The following TRPS1 variants were observed in gnomAD, a reference collection of about 807,000 sequenced individuals.
TRPS1 encodes zinc finger transcription factor Trps1.
TRPS1 carries 6 observed loss-of-function variants against 101.2 expected under a neutral mutation model. That is an observed-to-expected ratio of 0.06 (90% CI 0.03 to 0.12). The LOEUF (loss-of-function observed/expected upper bound fraction) is 0.12. Among genes scored for constraint, TRPS1 ranks in the 10% least tolerant of loss-of-function variants. The pLI, the probability that TRPS1 is intolerant of heterozygous loss-of-function variation, is 1.00. For missense variants in TRPS1, 1,363 were observed against 1,567.0 expected, an observed-to-expected ratio of 0.87 and a Z score of 2.20; for synonymous variants, 578 against 589.8, an observed-to-expected ratio of 0.98 and a Z score of 0.29.
intron 5 of TRPS1, among the ~76,000 whole-genome samples, chr8:115,562,768 A>C (rs984714292): frequency 1.3e-5 from 2 of 152,054 alleles, no homozygotes; most frequent in African/African-American, 4.8e-5. Context: ...GAGCATATAT[A>C]TCAAAGGAGA....
At chr8:115,591,460 C>G (rs1274447624) in intron 4 of TRPS1, among the ~76,000 whole-genome samples, 1 of 152,094 alleles carries the variant, frequency 6.6e-6, no homozygotes, top group African/African-American at 2.4e-5. Flanking sequence ...GGTCCTAGGT[C>G]CCTGCCCAAA....
At chr8:115,538,380 G>C (rs1464327598) in intron 5 of TRPS1, among the ~76,000 whole-genome samples, 1 of 152,156 alleles carries the variant, frequency 6.6e-6, no homozygotes, top group East Asian at 1.9e-4. Context: ...CTATGAACAA[G>C]ATGTGAAAAT....
At chr8:115,508,184 A>C (rs142074888) in intron 5 of TRPS1, among the ~76,000 whole-genome samples, 32 of 152,248 alleles carry the variant, frequency 2.1e-4, no homozygotes, top group African/African-American at 6.7e-4. Context: ...ATCTGTGTTT[A>C]CTACAAAGAT....
chr8:115,568,912 C>A (rs935854713), intron 5 of TRPS1, among the ~76,000 whole-genome samples: 1 of 152,080 alleles, frequency 6.6e-6, no homozygotes, highest in African/African-American at 2.4e-5. Context: ...GATGGTTAGC[C>A]AAGTTCTATT....
At chr8:115,521,954 C>T (rs1815874687) in intron 5 of TRPS1, among the ~76,000 whole-genome samples, 1 of 151,854 alleles carries the variant, frequency 6.6e-6, no homozygotes, top group Non-Finnish European at 1.5e-5. Context: ...TTAATCTAAA[C>T]TTAAACGTAT....
intron 5 of TRPS1, among the ~76,000 whole-genome samples, chr8:115,470,323 T>C (rs775845068): frequency 5.3e-5 from 8 of 152,212 alleles, no homozygotes; most frequent in Non-Finnish European, 1.0e-4. Context: ...CTGATAGCTA[T>C]CAGAATTTGA....
intron 1 of TRPS1, among the ~76,000 whole-genome samples, chr8:115,651,579 T>A (rs765454314): frequency 5.3e-5 from 8 of 152,158 alleles, no homozygotes; most frequent in Non-Finnish European, 1.2e-4. Flanking sequence ...CAAAAATGAA[T>A]TACGTATGCT....
chr8:115,571,302 C>A (rs941694395), intron 5 of TRPS1, among the ~76,000 whole-genome samples: 7 of 152,144 alleles, frequency 4.6e-5, no homozygotes, highest in Non-Finnish European at 8.8e-5. Context: ...GATCATCACA[C>A]AACGAAGTGT....
intron 1 of TRPS1, among the ~76,000 whole-genome samples, chr8:115,649,936 G>A (rs1563670106): frequency 6.6e-6 from 1 of 152,178 alleles, no homozygotes; most frequent in Non-Finnish European, 1.5e-5. Flanking sequence ...CATACAGTCT[G>A]ATAAGGAACA....
At chr8:115,478,853 A>G (rs1210018358) in intron 5 of TRPS1, among the ~76,000 whole-genome samples, 1 of 123,156 alleles carries the variant, frequency 8.1e-6, no homozygotes, top group Non-Finnish European at 1.5e-5. Context: ...GTATATATGT[A>G]TATATGTGTA....
chr8:115,493,150 G>C (rs1467975473), intron 5 of TRPS1, among the ~76,000 whole-genome samples: 2 of 152,190 alleles, frequency 1.3e-5, no homozygotes, highest in African/African-American at 4.8e-5. Flanking sequence ...TGGACTATTA[G>C]CAAGAGTCTG....
chr8:115,424,549 A>G (rs1351355155), intron 5 of TRPS1, among the ~76,000 whole-genome samples: 1 of 152,224 alleles, frequency 6.6e-6, no homozygotes. Context: ...AAAGCAACAC[A>G]AACAGAAATT....
chr8:115,450,385 T>C (rs1178475637), intron 5 of TRPS1, among the ~76,000 whole-genome samples: 2 of 152,192 alleles, frequency 1.3e-5, no homozygotes, highest in African/African-American at 4.8e-5. Flanking sequence ...GCTTTGAACA[T>C]GCTTTTCATT....
At chr8:115,623,890 G>A (rs1818450611) in intron 1 of TRPS1, 132 bp from the exon 2 acceptor site, 8 of 767,278 alleles carry the variant, frequency 1.0e-5, no homozygotes, top group Admixed American at 7.8e-5. Flanking sequence ...GAGCAAATCT[G>A]GAGCAAGATC....
chr8:115,593,586 A>C (rs1817726352), intron 4 of TRPS1, among the ~76,000 whole-genome samples: 1 of 152,204 alleles, frequency 6.6e-6, no homozygotes, highest in African/African-American at 2.4e-5. Flanking sequence ...ACTTCCAAAT[A>C]ATAAGACTAG....
chr8:115,418,210 G>A lies in TRPS1; in HGVS notation c.2823+120C>T. ...AATCACATGTGCACTCAAAGTGACT[G>A]TATTAAAACAACCCTGCGGGGGCAG... On this transcript the variant is annotated intron_variant, in intron 6 of 6. Transcript: ENST00000395715. This position sits in a 1 kb window ranked among gnomAD's most constrained non-coding sequence, Gnocchi z 4.3. The A allele has an allele frequency of 1.3e-6, 2 of 1,541,266 alleles. No homozygotes were observed. Among genetic ancestry groups the A allele is most frequent in the South Asian group, 2.2e-5 (2 of 88,978 alleles).
intron 3 of TRPS1, among the ~76,000 whole-genome samples, chr8:115,613,106 G>A (rs1390092338): frequency 6.6e-6 from 1 of 152,044 alleles, no homozygotes; most frequent in Non-Finnish European, 1.5e-5. Context: ...CTAAATGAGG[G>A]GAGTACAAAA....
At chr8:115,641,956 A>G (rs1818908354) in intron 1 of TRPS1, among the ~76,000 whole-genome samples, 1 of 152,186 alleles carries the variant, frequency 6.6e-6, no homozygotes, top group African/African-American at 2.4e-5. Flanking sequence ...ATATATGTGT[A>G]ATCCCAGCAC....
intron 5 of TRPS1, among the ~76,000 whole-genome samples, chr8:115,577,981 C>G (rs1194246307): frequency 1.3e-5 from 2 of 152,070 alleles, no homozygotes; most frequent in African/African-American, 4.8e-5. Context: ...AATTATTCGC[C>G]CGAGAAAGGC....
Sources: gnomAD v4.1 joint callset for allele counts (sites outside exome capture counted in the v4.1 genomes callset) on GRCh38, gnomAD v4.1.1 for gene constraint, Gnocchi (gnomAD v3.1) non-coding constraint, MANE v1.5 for transcripts, NCBI Gene and HGNC (gene_info 2026-07-23, HGNC 2026-07-21) for gene names.